The following NTN4 variants were observed in gnomAD, a reference collection of about 807,000 sequenced individuals.
NTN4 encodes the protein netrin 4, also known as netrin-4.
A neutral mutation model predicts 73.6 loss-of-function variants in NTN4; 32 were observed. The observed-to-expected ratio is 0.44, with a 90% CI of 0.33 to 0.58. The LOEUF (loss-of-function observed/expected upper bound fraction) is 0.58, where lower values mean the gene tolerates loss of function less well. Among genes scored for constraint, NTN4 ranks in the 20% least tolerant of loss-of-function variants. The pLI, the probability that NTN4 is intolerant of heterozygous loss-of-function variation, is 0.04. For missense variants in NTN4, 654 were observed against 798.3 expected (o/e 0.82, Z 2.18); for synonymous variants, 258 against 287.5 (o/e 0.90, Z 1.04).
intron 2 of NTN4, among the ~76,000 whole-genome samples, chr12:95,740,633 C>T (rs773347529): frequency 3.3e-5 from 5 of 152,018 alleles, no homozygotes; most frequent in African/African-American, 4.8e-5. Context: ...ACAGAAAAAT[C>T]GGTCATGCAA....
intron 5 of NTN4, among the ~76,000 whole-genome samples, chr12:95,687,833 T>C (rs1020457772): frequency 1.3e-5 from 2 of 152,178 alleles, no homozygotes; most frequent in African/African-American, 4.8e-5. Flanking sequence ...GTCTGGTACA[T>C]CATAGATGCC....
At chr12:95,674,339 A>G (rs535243434) in intron 7 of NTN4, among the ~76,000 whole-genome samples, 4 of 152,342 alleles carry the variant, frequency 2.6e-5, no homozygotes, top group African/African-American at 9.6e-5. Flanking sequence ...CTAGAAGAGC[A>G]GACATAGGTC....
At chr12:95,659,891 A>G (rs2078123297) in intron 9 of NTN4, among the ~76,000 whole-genome samples, 1 of 152,186 alleles carries the variant, frequency 6.6e-6, no homozygotes, top group African/African-American at 2.4e-5. Flanking sequence ...GTACTATACC[A>G]TGCTCTATGA....
In NTN4 at chr12:95,781,189, A is replaced by T. The variant is rs530802416; in HGVS notation, c.585+5750T>A. Among the ~76,000 whole-genome samples the T allele has an allele frequency of 6.6e-6, 1 of 152,320 alleles. No homozygotes were observed. Among genetic ancestry groups the T allele is most frequent in the Admixed American group, 6.5e-5 (1 of 15,302 alleles). The stretch of plus-strand genomic sequence containing the variant: ...GAGCAGGGAGGGATAGCATTAAGAG[A>T]TATACCTTATGTAAATGACGAGTTA... On this transcript the variant is annotated intron_variant, in intron 2 of 9. Coordinates refer to ENST00000343702, the MANE Select transcript of NTN4 (RefSeq NM_021229.4). This position sits in a 1 kb window ranked among gnomAD's most constrained non-coding sequence, Gnocchi z 4.1.
intron 7 of NTN4, chr12:95,670,992 A>ATGTATGTATG (rs1565878371): frequency 1.6e-5 from 1 of 63,030 alleles, no homozygotes; most frequent in African/African-American, 6.2e-5. Context: ...ATGTATGTAT[A>ATGTATGTATG]TATTTATTTA....
intron 9 of NTN4, among the ~76,000 whole-genome samples, chr12:95,662,091 C>G (rs1379621104): frequency 6.6e-6 from 1 of 152,090 alleles, no homozygotes; most frequent in Non-Finnish European, 1.5e-5. Flanking sequence ...TACATACACA[C>G]AGAGGAAGAT....
At chr12:95,706,002 C>G (rs77624530) in intron 5 of NTN4, among the ~76,000 whole-genome samples, 2 of 152,104 alleles carry the variant, frequency 1.3e-5, no homozygotes, top group South Asian at 4.1e-4. Context: ...TAAAAAGTTA[C>G]GGGTGTTGTT....
intron 3 of NTN4, among the ~76,000 whole-genome samples, chr12:95,735,882 C>T (rs2078772027): frequency 6.6e-6 from 1 of 150,748 alleles, no homozygotes; most frequent in Non-Finnish European, 1.5e-5. Flanking sequence ...CTTTTAAATG[C>T]CTGCTCATGA....
intron 4 of NTN4, among the ~76,000 whole-genome samples, chr12:95,711,284 ATAT>A (rs2078563707): frequency 1.3e-5 from 2 of 152,178 alleles, no homozygotes; most frequent in Non-Finnish European, 1.5e-5. Context: ...TTGGGCAGAG[ATAT>A]TATGATGAAC....
At position 95,714,947 on chromosome 12, in the gene NTN4, G is replaced by A. The variant is rs183113689; in HGVS notation, c.865-1609C>T. Among the ~76,000 whole-genome samples the A allele has an allele frequency of 1.7e-4, 26 of 152,200 alleles. No individual in the cohort carries two copies. In the East Asian group the frequency reaches 3.9e-3, roughly 23 times the overall value. On this transcript the variant is annotated intron_variant, in intron 3 of 9. Transcript: ENST00000343702. ...GTAAAGTTCAACAAACCTGAAAACA[G>A]CCACACCGATACACTGATATACTAC...
intron 2 of NTN4, among the ~76,000 whole-genome samples, chr12:95,784,198 AG>A (rs2079151241): frequency 6.6e-6 from 1 of 152,308 alleles, no homozygotes; most frequent in East Asian, 1.9e-4. Context: ...GGTGACATGG[AG>A]TTGAAACTGC....
At chr12:95,776,874 T>C (rs1252889056) in intron 2 of NTN4, among the ~76,000 whole-genome samples, 4 of 151,712 alleles carry the variant, frequency 2.6e-5, no homozygotes, top group Non-Finnish European at 5.9e-5. Flanking sequence ...TTCCCCAAAG[T>C]TGAAATGAAG....
At chr12:95,734,069 C>CAAAA (rs34550049) in intron 3 of NTN4, among the ~76,000 whole-genome samples, 2 of 94,228 alleles carry the variant, frequency 2.1e-5, no homozygotes, top group Non-Finnish European at 4.7e-5. Context: ...GACTCCATTT[C>CAAAA]AAAAAAAAAA....
At position 95,785,656 on chromosome 12, in the gene NTN4, C is replaced by T. The variant is rs763321025; in HGVS notation, c.585+1283G>A. On this transcript the variant is annotated intron_variant, in intron 2 of 9. Transcript: ENST00000343702. The stretch of plus-strand genomic sequence containing the variant: ...CCCAAACCAACCTTTTCATCAGGCC[C>T]CTGGCAAGCACCTCCCCATACCACA... Among the ~76,000 whole-genome samples, 11 of 152,282 alleles carry T rather than the reference C, an allele frequency of 7.2e-5. No individual in the cohort carries two copies. The South Asian group carries it at 1.2e-3, about 17-fold the overall frequency.
intron 2 of NTN4, among the ~76,000 whole-genome samples, chr12:95,757,773 TAA>T (rs10713128): frequency 1.5e-3 from 224 of 145,182 alleles, no homozygotes; most frequent in African/African-American, 3.2e-3. Context: ...GAATGCAAAG[TAA>T]AAAAAAAAAA....
intron 3 of NTN4, among the ~76,000 whole-genome samples, chr12:95,716,928 G>A (rs546527506): frequency 1.3e-5 from 2 of 152,000 alleles, no homozygotes; most frequent in Non-Finnish European, 2.9e-5. Context: ...TCCCATCTGA[G>A]TCTCCCGAGT....
chr12:95,706,443 G>A (rs1243667963), intron 5 of NTN4, among the ~76,000 whole-genome samples: 5 of 152,242 alleles, frequency 3.3e-5, no homozygotes, highest in African/African-American at 9.6e-5. Flanking sequence ...CCTATCTTAT[G>A]ACTTTACAAA....
intron 3 of NTN4, among the ~76,000 whole-genome samples, chr12:95,714,775 GA>G (rs2121097461): frequency 1.3e-5 from 2 of 152,250 alleles, no homozygotes; most frequent in South Asian, 4.2e-4. Context: ...AACTTTTCAG[GA>G]AAAGGAAACA....
At chr12:95,787,648 C>T (rs964437080) in intron 1 of NTN4, among the ~76,000 whole-genome samples, 180 bp from the exon 2 acceptor site, 2 of 152,166 alleles carry the variant, frequency 1.3e-5, no homozygotes, top group Non-Finnish European at 1.5e-5. Context: ...TCTGCATTCA[C>T]AATGCATTCG....
Sources: gnomAD v4.1 joint callset for allele counts (sites outside exome capture counted in the v4.1 genomes callset) on GRCh38, gnomAD v4.1.1 for gene constraint, Gnocchi (gnomAD v3.1) non-coding constraint, MANE v1.5 for transcripts, NCBI Gene and HGNC (gene_info 2026-07-23, HGNC 2026-07-21) for gene names.